Variants in PDE11A observed in about 807,000 individuals in gnomAD.
PDE11A encodes the protein phosphodiesterase 11A, also known as dual 3',5'-cyclic-AMP and -GMP phosphodiesterase 11A.
PDE11A carries 100 observed loss-of-function variants against 100.5 expected under a neutral mutation model. The ratio of observed to expected loss-of-function variants is 1.00; its 90% CI spans 0.85 to 1.18. The LOEUF (loss-of-function observed/expected upper bound fraction) is 1.18. Among genes scored for constraint, PDE11A ranks in the 50% most tolerant of loss-of-function variants. PDE11A has a pLI of 0.00. For missense variants in PDE11A, 1,141 were observed against 1,152.6 expected (o/e 0.99, Z 0.15); for synonymous variants, 381 against 420.8 (o/e 0.91, Z 1.16).
At chr2:177,981,473 A>G (rs1173477126) in intron 2 of PDE11A, among the ~76,000 whole-genome samples, 3 of 150,612 alleles carry the variant, frequency 2.0e-5, no homozygotes, top group African/African-American at 7.3e-5. Flanking sequence ...TCCAGTCTTC[A>G]CATGGCATTC....
chr2:178,107,411 C>T (rs1295413610), intron 1 of PDE11A, among the ~76,000 whole-genome samples: 1 of 149,340 alleles, frequency 6.7e-6, no homozygotes, highest in African/African-American at 2.5e-5. Context: ...AAAGATGTGG[C>T]ATCTAGTATG....
chr2:178,104,674 A>G lies in PDE11A; in HGVS notation c.-13-198T>C, dbSNP rs142019252. ...TATATTATAACATCCAATTTCATAA[A>G]GACAATCATCTCATTAATTAGGCTT... On this transcript the variant is annotated intron_variant, in intron 1 of 20. Transcript: ENST00000358450. 2.9e-3 allele frequency among the ~76,000 whole-genome samples: 445 copies of G among 152,366 alleles called. 3 individuals are homozygous for G. Among genetic ancestry groups the G allele is most frequent in the African/African-American group, 9.8e-3 (406 of 41,592 alleles).
At chr2:177,758,034 A>G (rs1055443362) in intron 10 of PDE11A, among the ~76,000 whole-genome samples, 1 of 151,904 alleles carries the variant, frequency 6.6e-6, no homozygotes, top group Non-Finnish European at 1.5e-5. Flanking sequence ...CACTCCTGTA[A>G]TCCTGTAATC....
At chr2:177,888,883 A>G (rs1222943967) in intron 4 of PDE11A, 1 of 152,344 alleles carries the variant, frequency 6.6e-6, no homozygotes, top group East Asian at 1.9e-4. Context: ...CTTGGAGAAC[A>G]TGGGGAACCA....
At chr2:177,859,854 T>C (rs2083914955) in intron 5 of PDE11A, among the ~76,000 whole-genome samples, 1 of 151,892 alleles carries the variant, frequency 6.6e-6, no homozygotes, top group Non-Finnish European at 1.5e-5. Context: ...AAACAATACT[T>C]CTAACAAAGT....
intron 2 of PDE11A, among the ~76,000 whole-genome samples, chr2:177,926,047 T>C (rs1449067444): frequency 6.6e-6 from 1 of 151,646 alleles, no homozygotes; most frequent in Non-Finnish European, 1.5e-5. Flanking sequence ...TCTCTAAATA[T>C]ATATCAACTT....
At chr2:177,916,832 T>TA (rs1328104202) in intron 2 of PDE11A, among the ~76,000 whole-genome samples, 4 of 151,770 alleles carry the variant, frequency 2.6e-5, no homozygotes, top group Non-Finnish European at 5.9e-5. Context: ...CAATCTCAGC[T>TA]CACTGCAAGC....
At chr2:177,709,969 A>C (rs1313343268) in intron 13 of PDE11A, among the ~76,000 whole-genome samples, 1 of 152,162 alleles carries the variant, frequency 6.6e-6, no homozygotes, top group African/African-American at 2.4e-5. Context: ...ACAGCTTTCC[A>C]TGAAGCTTGA....
chr2:178,055,899 A>G (rs1281900012), intron 1 of PDE11A, among the ~76,000 whole-genome samples: 2 of 152,182 alleles, frequency 1.3e-5, no homozygotes, highest in African/African-American at 4.8e-5. Flanking sequence ...GGAAAGAAAA[A>G]AAAGTATCTT....
intron 1 of PDE11A, among the ~76,000 whole-genome samples, chr2:178,038,364 T>C (rs2086643129): frequency 6.6e-6 from 1 of 151,996 alleles, no homozygotes; most frequent in Non-Finnish European, 1.5e-5. Flanking sequence ...TTCTAGAGTT[T>C]TATCTAAATC....
At chr2:177,959,476 T>C (rs574112857) in intron 2 of PDE11A, among the ~76,000 whole-genome samples, 10 of 152,272 alleles carry the variant, frequency 6.6e-5, no homozygotes, top group African/African-American at 1.7e-4. Flanking sequence ...GAGGACCCAA[T>C]AGGAGGCTAT....
At position 177,795,723 on chromosome 2, in the gene PDE11A, G is replaced by A. The variant is rs761352766; in HGVS notation, c.1737+21106C>T. Among the ~76,000 whole-genome samples, 6 of 151,408 alleles carry A rather than the reference G, an allele frequency of 4.0e-5. No homozygotes were observed. In the South Asian group the frequency reaches 6.3e-4, roughly 16 times the overall value. On this transcript the variant is annotated intron_variant, in intron 9 of 19. Coordinates refer to ENST00000286063, the MANE Select transcript of PDE11A (RefSeq NM_016953.4). ...TATGGGGTACATGTGTTTGTTACAC[G>A]CAAAGAATGTATATAGATCAAATTA...
chr2:177,856,562 G>T (rs1001876534), intron 5 of PDE11A, among the ~76,000 whole-genome samples: 2 of 151,886 alleles, frequency 1.3e-5, no homozygotes, highest in African/African-American at 4.8e-5. Flanking sequence ...ATATGAGAAG[G>T]CTGTCTCCCA....
At position 177,711,818 on chromosome 2, in the gene PDE11A, G is replaced by A; in HGVS notation, c.2104C>T (p.Leu702=). The A allele has an allele frequency of 6.2e-7, 1 of 1,612,554 alleles. No homozygotes were observed. Among genetic ancestry groups the A allele is most frequent in the South Asian group, 1.1e-5 (1 of 91,040 alleles). ...CCCCTGTGGTCGAGGTCATGACACA[G>A]GCATCCCACAATCACCGCTAAAATT... The part of the protein sequence containing the change: ...VEILAVIVGC[L]CHDLDHRGTN... Residue 702 remains leucine (L), a synonymous_variant, in exon 13 of 20, where the codon CTG becomes TTG. Transcript: ENST00000286063.
intron 2 of PDE11A, among the ~76,000 whole-genome samples, chr2:177,932,767 C>T (rs2085222809): frequency 6.6e-6 from 1 of 151,814 alleles, no homozygotes; most frequent in Non-Finnish European, 1.5e-5. Context: ...GACAAGGATC[C>T]CCACTCTCAC....
Position 177,627,972 on chromosome 2 carries a change from A to G in PDE11A, c.*1435T>C, listed in dbSNP as rs2079861184. 6.6e-6 allele frequency: 1 copy of G among 152,236 alleles called. No homozygotes were observed. The highest frequency in any genetic ancestry group is 2.4e-5 in the African/African-American group (1 of 41,458). 9.4% of individuals were successfully genotyped at this position (152,236 alleles called of 1,614,324 possible). On this transcript the variant is annotated 3_prime_UTR_variant, in exon 20 of 20. Coordinates refer to ENST00000286063, the MANE Select transcript of PDE11A (RefSeq NM_016953.4). ...GGCCAGGGATTTTCAAACTCTTCAG[A>G]GTCCCTGTGGACCCCCATGTACGTA...
At chr2:177,688,542 G>T (rs994583450) in intron 15 of PDE11A, among the ~76,000 whole-genome samples, 1 of 151,884 alleles carries the variant, frequency 6.6e-6, no homozygotes, top group African/African-American at 2.4e-5. Flanking sequence ...CCCAATACCC[G>T]CTGGATCCAG....
At chr2:178,003,684 T>G (rs1160844944) in intron 2 of PDE11A, among the ~76,000 whole-genome samples, 1 of 152,132 alleles carries the variant, frequency 6.6e-6, no homozygotes, top group East Asian at 1.9e-4. Flanking sequence ...GCAAATATAC[T>G]AAAAACCACT....
At chr2:178,041,137 G>A (rs927803730) in intron 1 of PDE11A, among the ~76,000 whole-genome samples, 1 of 151,782 alleles carries the variant, frequency 6.6e-6, no homozygotes, top group East Asian at 1.9e-4. Context: ...ACGAGGTCTC[G>A]CTATGCTGCC....
Sources: allele counts gnomAD v4.1 joint callset (sites outside exome capture counted in the v4.1 genomes callset), GRCh38; gene constraint gnomAD v4.1.1; transcripts MANE v1.5; gene names NCBI Gene and HGNC (gene_info 2026-07-23, HGNC 2026-07-21).